Variants in ZRSR2 observed in about 807,000 individuals in gnomAD.
ZRSR2 encodes the protein zinc finger CCCH-type, RNA binding motif and serine/arginine rich 2.
A neutral mutation model predicts 39.4 loss-of-function variants in ZRSR2; 3 were observed. The ratio of observed to expected loss-of-function variants is 0.08; its 90% CI spans 0.03 to 0.20. ZRSR2 has a LOEUF of 0.20. ZRSR2 is among the 10% of genes least tolerant of loss of function. The probability of loss-of-function intolerance (pLI) is 1.00; values close to 1 mark genes in which losing one functional copy is unlikely to be tolerated. For synonymous variants in ZRSR2, 137 were observed against 136.0 expected, an observed-to-expected ratio of 1.01 and a Z score of -0.05; for missense variants, 256 against 391.5, an observed-to-expected ratio of 0.65 and a Z score of 2.92.
intron 3 of ZRSR2, among the ~76,000 whole-genome samples, chrX:15,802,679 A>G (rs960327006): frequency 6.4e-5 from 7 of 109,657 alleles, no homozygotes; most frequent in Non-Finnish European, 1.3e-4. Flanking sequence ...GCCTGGTCTC[A>G]AATTCCTGAC....
rs1476727810 is a variant in ZRSR2 at position 15,790,931 on chromosome X, C to T, written c.42-3C>T. ...TCGTCGTGTATATGTCTTAATCTTCCAGCCACAAAAAGTACAGGGCCGCCC... is the reference window on the plus strand; with the variant it reads ...TCGTCGTGTATATGTCTTAATCTTCTAGCCACAAAAAGTACAGGGCCGCCC... On this transcript the variant is annotated splice_polypyrimidine_tract_variant and splice_region_variant and intron_variant, in intron 1 of 10. Transcript: ENST00000307771. 1 of 1,208,232 alleles carries T rather than the reference C, an allele frequency of 8.3e-7. No homozygotes were observed. The highest frequency in any genetic ancestry group is 1.8e-5 in the African/African-American group (1 of 57,017).
chrX:15,799,771 T>G (rs1466542572), intron 2 of ZRSR2, 101 bp from the exon 3 acceptor site: 2 of 505,618 alleles, frequency 4.0e-6, no homozygotes, highest in East Asian at 7.8e-5. Context: ...AAAAAGATTT[T>G]TACCATAATT....
chrX:15,793,782 C>A (rs1932358593), intron 2 of ZRSR2, among the ~76,000 whole-genome samples: 1 of 112,398 alleles, frequency 8.9e-6, no homozygotes. Flanking sequence ...AGGTGATCTG[C>A]CCACCTTGGC....
intron 8 of ZRSR2, among the ~76,000 whole-genome samples, 174 bp from the exon 9 acceptor site, chrX:15,818,413 G>A (rs367897128): frequency 6.2e-5 from 7 of 112,521 alleles, no homozygotes; most frequent in African/African-American, 2.3e-4. Flanking sequence ...GATCAGGCAC[G>A]CTGCCATGTG....
intron 2 of ZRSR2, among the ~76,000 whole-genome samples, chrX:15,792,470 A>G (rs1413799517): frequency 8.9e-6 from 1 of 112,256 alleles, no homozygotes; most frequent in African/African-American, 3.2e-5. Flanking sequence ...ATAAAACTAA[A>G]TGAAATTACA....
intron 3 of ZRSR2, chrX:15,801,936 T>A (rs1052386291): frequency 3.6e-5 from 4 of 112,552 alleles, no homozygotes; most frequent in African/African-American, 9.7e-5. Context: ...TATTAAATTT[T>A]AAAATTTTTA....
intron 9 of ZRSR2, 96 bp downstream of exon 9, chrX:15,818,738 T>A: frequency 1.5e-6 from 1 of 658,141 alleles, no homozygotes; most frequent in Non-Finnish European, 2.3e-6. Flanking sequence ...TATATAACTT[T>A]CATGTATTTT....
At chrX:15,809,384 C>G (rs1932846206) in intron 7 of ZRSR2, 66 bp downstream of exon 7, 1 of 804,736 alleles carries the variant, frequency 1.2e-6, no homozygotes, top group Non-Finnish European at 1.9e-6. Context: ...TTGAGTTCCC[C>G]TTTTGGGAGA....
chrX:15,815,867 G>A lies in ZRSR2; in HGVS notation c.748G>A (p.Val250Met), dbSNP rs587778767. The change falls in exon 8 of 11, where the codon GTG becomes ATG. Residue 250 changes from valine (V) to methionine (M), a missense_variant. This residue lies in a region of ZRSR2 where 58 missense variants were observed against 163.1 expected (regional missense o/e 0.36). Transcript: ENST00000307771. Reference sequence around the variant, plus strand: ...GGATGTGTTGCCCGAGTTCAAGAACGTGGGGAAAGTGATTCAGTTCAAGGT... The same window carrying A: ...GGATGTGTTGCCCGAGTTCAAGAACATGGGGAAAGTGATTCAGTTCAAGGT... ...YEDVLPEFKN[V>M]GKVIQFKVSC... 8 of 1,205,528 alleles carry A rather than the reference G, an allele frequency of 6.6e-6. No homozygotes were observed. In the African/African-American group the frequency reaches 8.8e-5, roughly 13 times the overall value.
chrX:15,805,719 C>T (rs1932772529), intron 5 of ZRSR2, among the ~76,000 whole-genome samples: 1 of 110,745 alleles, frequency 9.0e-6, no homozygotes, highest in Admixed American at 9.6e-5. Context: ...ATCACGAGGT[C>T]AGGAGTTCGA....
intron 2 of ZRSR2, among the ~76,000 whole-genome samples, chrX:15,799,180 C>T (rs1191073217): frequency 1.0e-4 from 7 of 70,259 alleles, no homozygotes; most frequent in African/African-American, 1.8e-4. Flanking sequence ...GCAAGACTCC[C>T]GTCTCAAAAA....
At position 15,790,484 on chromosome X, in the gene ZRSR2, G is replaced by A; in HGVS notation, c.-12G>A. ...CCTGCCAGACCTGGAGGGGCGGGGC[G>A]GTGCCGGCAAGATGGCTGCGCCCGA... is the stretch of plus-strand genomic sequence containing the variant. On this transcript the variant is annotated 5_prime_UTR_variant, in exon 1 of 11. Transcript: ENST00000307771. 1.7e-6 allele frequency: 2 copies of A among 1,161,355 alleles called. No individual in the cohort carries two copies. Among genetic ancestry groups the A allele is most frequent in the East Asian group, 3.3e-5 (1 of 30,276 alleles).
At chrX:15,803,892 G>T in intron 4 of ZRSR2, 96 bp downstream of exon 4, 1 of 1,086,730 alleles carries the variant, frequency 9.2e-7, no homozygotes, top group South Asian at 2.2e-5. Flanking sequence ...GGAGTGAGCT[G>T]AGATCACGCC....
chrX:15,803,733 A>G lies in ZRSR2; in HGVS notation c.249A>G (p.Gln83=), dbSNP rs1932743862. 8.3e-7 allele frequency: 1 copy of G among 1,199,569 alleles called. No individual in the cohort carries two copies. Among genetic ancestry groups the G allele is most frequent in the Non-Finnish European group, 1.1e-6 (1 of 889,607 alleles). The change falls in exon 4 of 11, where the codon CAA becomes CAG. Residue 83 remains glutamine, a synonymous_variant. Transcript: ENST00000307771. ...EEWLLREQKA[Q]EEFRIKKEKE... is the part of the protein sequence containing the mutation. Reference sequence around the variant, plus strand: ...GGTTGCTAAGAGAGCAGAAGGCACAAGAAGAATTCAGAATAAAGAAGGAAA... The same window carrying G: ...GGTTGCTAAGAGAGCAGAAGGCACAGGAAGAATTCAGAATAAAGAAGGAAA...
At chrX:15,820,571 A>G (rs910824419) in intron 10 of ZRSR2, among the ~76,000 whole-genome samples, 4 of 111,967 alleles carry the variant, frequency 3.6e-5, no homozygotes, top group Non-Finnish European at 7.5e-5. Context: ...CAGTCTTCCA[A>G]TCTTCAGTCC....
chrX:15,791,074 A>G, intron 2 of ZRSR2, 61 bp downstream of exon 2: 1 of 1,027,312 alleles, frequency 9.7e-7, no homozygotes, highest in South Asian at 2.0e-5. Flanking sequence ...TCCAGCCCTA[A>G]CTTGAAGCCC....
intron 8 of ZRSR2, among the ~76,000 whole-genome samples, chrX:15,817,610 C>T (rs1933004550): frequency 9.0e-6 from 1 of 111,204 alleles, no homozygotes; most frequent in African/African-American, 3.3e-5. Context: ...TCTATTAATA[C>T]CAAGAGTAGA....
chrX:15,819,539 G>A (rs1933052847), intron 9 of ZRSR2, among the ~76,000 whole-genome samples: 2 of 110,613 alleles, frequency 1.8e-5, no homozygotes, highest in Admixed American at 1.9e-4. Flanking sequence ...ACTGTACCAC[G>A]ACACTCTAGC....
At chrX:15,791,306 C>A (rs1238552129) in intron 2 of ZRSR2, among the ~76,000 whole-genome samples, 1 of 112,165 alleles carries the variant, frequency 8.9e-6, no homozygotes, top group African/African-American at 3.2e-5. Flanking sequence ...ACAGTCCTTG[C>A]ACACGTAGTA....
Sources: allele counts gnomAD v4.1 joint callset (sites outside exome capture counted in the v4.1 genomes callset), GRCh38; gene constraint gnomAD v4.1.1; regional missense constraint gnomAD v4.1.1; transcripts MANE v1.5; gene names NCBI Gene and HGNC (gene_info 2026-07-23, HGNC 2026-07-21).